Variants in LYPD8 observed in about 807,000 individuals in gnomAD.
The protein encoded by LYPD8 is ly6/PLAUR domain-containing protein 8.
Under a neutral mutation model 1.7 loss-of-function variants are expected in LYPD8, and 8 were observed. The observed-to-expected ratio is 4.58, with a 90% CI of 2.69 to 8.27. The LOEUF (loss-of-function observed/expected upper bound fraction) is 8.27, where lower values mean the gene tolerates loss of function less well. LYPD8 is among the 30% of genes most tolerant of loss of function. LYPD8 has a pLI of 0.00. For synonymous variants in LYPD8, 50 were observed against 43.6 expected (o/e 1.15, Z -0.58); for missense variants, 112 against 102.3 (o/e 1.09, Z -0.41).
chr1:248,741,559 A>G (rs1233821810), intron 6 of LYPD8, among the ~76,000 whole-genome samples: 1 of 152,168 alleles, frequency 6.6e-6, no homozygotes, highest in South Asian at 2.1e-4. Context: ...GAACATTTCT[A>G]CTGTATTAAA....
intron 6 of LYPD8, among the ~76,000 whole-genome samples, chr1:248,741,648 G>A (rs1459719993): frequency 1.5e-4 from 23 of 152,234 alleles, no homozygotes; most frequent in African/African-American, 5.5e-4. Flanking sequence ...TTCAGCTTAA[G>A]TCAAGTCCTA....
chr1:248,746,312 C>T (rs938375117), intron 5 of LYPD8, among the ~76,000 whole-genome samples: 6 of 152,264 alleles, frequency 3.9e-5, no homozygotes, highest in South Asian at 4.2e-4. Flanking sequence ...GAACTACTGA[C>T]CGGAACTAAA....
chr1:248,742,164 G>C (rs1334384023), intron 6 of LYPD8, among the ~76,000 whole-genome samples: 1 of 151,808 alleles, frequency 6.6e-6, no homozygotes, highest in Non-Finnish European at 1.5e-5. Context: ...CCTCTCTGGT[G>C]GGGATGTTGG....
chr1:248,753,188 ACCACATCACACCCC>A (rs1662853100), intron 2 of LYPD8, among the ~76,000 whole-genome samples: 1 of 70,928 alleles, frequency 1.4e-5, no homozygotes, highest in Non-Finnish European at 2.7e-5. Context: ...ACACACACAC[ACCACATCACACCCC>A]ACACAACACA....
intron 2 of LYPD8, among the ~76,000 whole-genome samples, chr1:248,753,550 AAC>A (rs1662870158): frequency 3.1e-5 from 3 of 95,332 alleles, no homozygotes; most frequent in South Asian, 3.3e-4. Context: ...CATCACACAA[AAC>A]ACATCACACA....
In LYPD8 at chr1:248,739,607, G is replaced by C; in HGVS notation, c.*4C>G. ...GGTGCTGGGCAAAGTGCAGCCCCAGGACCTCAGGGCAGCAGTCCCCGAAGA... is the reference window on the plus strand; with the variant it reads ...GGTGCTGGGCAAAGTGCAGCCCCAGCACCTCAGGGCAGCAGTCCCCGAAGA... On this transcript the variant is annotated 3_prime_UTR_variant, in exon 7 of 7. Transcript: ENST00000590317. This position sits in a 1 kb window ranked among gnomAD's most constrained non-coding sequence, Gnocchi z 4.3. 6.4e-7 allele frequency: 1 copy of C among 1,551,282 alleles called. No homozygotes were observed. The highest frequency in any genetic ancestry group is 8.7e-7 in the Non-Finnish European group (1 of 1,147,004).
At chr1:248,744,439 A>G (rs1458148109) in intron 6 of LYPD8, among the ~76,000 whole-genome samples, 1 of 152,250 alleles carries the variant, frequency 6.6e-6, no homozygotes, top group Non-Finnish European at 1.5e-5. Context: ...AAATGTATTA[A>G]CCTTTAACTG....
intron 2 of LYPD8, among the ~76,000 whole-genome samples, chr1:248,753,111 CACAACACACACA>C (rs1662849781): frequency 1.0e-5 from 1 of 99,002 alleles, no homozygotes; most frequent in Non-Finnish European, 2.3e-5. Context: ...ACACACCACA[CACAACACACACA>C]ACACAACACA....
chr1:248,753,235 CCACACACCCCACACAA>C (rs1217055915), intron 2 of LYPD8, among the ~76,000 whole-genome samples: 1 of 93,994 alleles, frequency 1.1e-5, no homozygotes, highest in Non-Finnish European at 2.1e-5. Context: ...CACACACACA[CCACACACCCCACACAA>C]CACACACCGC....
intron 2 of LYPD8, 76 bp from the exon 3 acceptor site, chr1:248,751,206 G>A: frequency 2.5e-6 from 1 of 396,728 alleles, no homozygotes; most frequent in Non-Finnish European, 4.4e-6. Flanking sequence ...TAATCGCACT[G>A]TAAGAAGCCC....
intron 5 of LYPD8, among the ~76,000 whole-genome samples, chr1:248,746,539 G>A (rs1292833381): frequency 6.6e-6 from 1 of 152,132 alleles, no homozygotes; most frequent in East Asian, 1.9e-4. Flanking sequence ...GACACAGGAA[G>A]GCAGGAAGGC....
intron 5 of LYPD8, among the ~76,000 whole-genome samples, 174 bp from the exon 6 acceptor site, chr1:248,745,453 C>T (rs1189068268): frequency 6.6e-6 from 1 of 152,218 alleles, no homozygotes; most frequent in Non-Finnish European, 1.5e-5. Context: ...TTACTACACA[C>T]AGCTCCACAG....
At chr1:248,745,038 C>T (rs1324175718) in intron 6 of LYPD8, 104 bp downstream of exon 6, 1 of 394,982 alleles carries the variant, frequency 2.5e-6, no homozygotes, top group Admixed American at 4.4e-5. Context: ...CCCCCTTGTC[C>T]CACGACTCCC....
chr1:248,755,066 C>G (rs1262735740), intron 2 of LYPD8, among the ~76,000 whole-genome samples, 173 bp downstream of exon 2: 2 of 152,286 alleles, frequency 1.3e-5, no homozygotes, highest in South Asian at 4.1e-4. Flanking sequence ...CTGAAACTAG[C>G]CTCATTTTCA....
intron 2 of LYPD8, among the ~76,000 whole-genome samples, chr1:248,752,980 CA>C (rs1662842266): frequency 9.8e-6 from 1 of 101,962 alleles, no homozygotes; most frequent in African/African-American, 3.8e-5. Flanking sequence ...AACACACACA[CA>C]ACACAACACA....
chr1:248,742,600 CG>C (rs1553283583), intron 6 of LYPD8, among the ~76,000 whole-genome samples: 7 of 61,294 alleles, frequency 1.1e-4, no homozygotes, highest in East Asian at 5.1e-4. Flanking sequence ...TGTTGGCAGT[CG>C]GGGGAGATTA....
chr1:248,753,194 TCACACCCCACACAACA>T (rs1662853365), intron 2 of LYPD8, among the ~76,000 whole-genome samples: 1 of 22,398 alleles, frequency 4.5e-5, no homozygotes, highest in South Asian at 1.5e-3. Flanking sequence ...ACACACCACA[TCACACCCCACACAACA>T]CACACACCAC....
intron 2 of LYPD8, among the ~76,000 whole-genome samples, chr1:248,752,121 AG>A (rs1662810234): frequency 6.6e-6 from 1 of 152,016 alleles, no homozygotes; most frequent in African/African-American, 2.4e-5. Context: ...TGATTCTTCG[AG>A]GGTAGATAAA....
In LYPD8 at chr1:248,739,503, G is replaced by T; in HGVS notation, c.*108C>A. 1 of 1,443,226 alleles carries T rather than the reference G, an allele frequency of 6.9e-7. No homozygotes were observed. The allele number at this position is 1,443,226 out of a possible 1,614,324, so 89.4% of individuals were successfully genotyped here. On this transcript the variant is annotated 3_prime_UTR_variant, in exon 7 of 7. Transcript: ENST00000590317. The surrounding 1 kb of genome is among the most constrained non-coding windows in gnomAD (Gnocchi z 4.3). ...GAGACCTGTGACTCCCACTTACTGG[G>T]CAGTTAAACGGGGCAGAGCAGGGAA...
Sources: allele counts gnomAD v4.1 joint callset (sites outside exome capture counted in the v4.1 genomes callset), GRCh38; gene constraint gnomAD v4.1.1; non-coding constraint Gnocchi (gnomAD v3.1); transcripts MANE v1.5; gene names NCBI Gene and HGNC (gene_info 2026-07-23, HGNC 2026-07-21).